TAF5L: variants seen among roughly 807,000 people sequenced by gnomAD.
TAF5L encodes the protein TATA-box binding protein associated factor 5 like.
In TAF5L, 7 loss-of-function variants were observed where a neutral mutation model predicts 51.3. The observed-to-expected ratio is 0.14, with a 90% confidence interval of 0.08 to 0.26. The LOEUF is 0.26. Ranked by LOEUF, TAF5L falls within the 10% of genes least tolerant of loss-of-function variation. The pLI is 1.00. For missense variants in TAF5L, 575 were observed against 758.9 expected (o/e 0.76, Z 2.85); for synonymous variants, 291 against 308.1 (o/e 0.94, Z 0.58).
At chr1:229,596,384 A>C (rs1664127078) in intron 4 of TAF5L, among the ~76,000 whole-genome samples, 1 of 152,232 alleles carries the variant, frequency 6.6e-6, no homozygotes, top group Non-Finnish European at 1.5e-5. Flanking sequence ...AGAAAGGTAC[A>C]GTTACTAGTA....
intron 4 of TAF5L, chr1:229,600,811 C>A: frequency 8.1e-6 from 8 of 985,382 alleles, no homozygotes; most frequent in Non-Finnish European, 9.6e-6. Flanking sequence ...TTATTTTGGT[C>A]TACTGTTATC....
At position 229,625,961 on chromosome 1, in the gene TAF5L, T is replaced by A. The variant is rs1384285043; in HGVS notation, c.-80A>T. The A allele has an allele frequency of 6.8e-4, 97 of 143,356 alleles. 1 individual carries two copies. In the East Asian group the frequency reaches 0.014, roughly 21 times the overall value. The allele number at this position is 143,356 out of a possible 1,614,324, so 8.9% of individuals were successfully genotyped here. On this transcript the variant is annotated 5_prime_UTR_variant, in exon 1 of 5. Coordinates refer to ENST00000258281, the Ensembl canonical transcript of TAF5L. The surrounding 1 kb of genome is among the most constrained non-coding windows in gnomAD (Gnocchi z 4.0). Reference sequence around the variant, plus strand: ...GGGTTGCTTCCGCCTCCGTCGTCTCTGCCGCAGGGTCTCACTCCGACGGCC... The same window carrying A: ...GGGTTGCTTCCGCCTCCGTCGTCTCAGCCGCAGGGTCTCACTCCGACGGCC...
At position 229,602,964 on chromosome 1, in the gene TAF5L, C is replaced by G; in HGVS notation, c.248-45G>C. On this transcript the variant is annotated intron_variant, in intron 3 of 4. Transcript: ENST00000258281. This position sits in a 1 kb window ranked among gnomAD's most constrained non-coding sequence, Gnocchi z 4.6. Reference sequence around the variant, plus strand: ...AGGCTTTATAATCAGCATAATCTTACAGAATAACGTGATCCCTCCTGGGGA... The same window carrying G: ...AGGCTTTATAATCAGCATAATCTTAGAGAATAACGTGATCCCTCCTGGGGA... The G allele has an allele frequency of 2.0e-6, 3 of 1,528,256 alleles. No homozygotes were observed. Among genetic ancestry groups the G allele is most frequent in the Non-Finnish European group, 2.6e-6 (3 of 1,149,356 alleles). The allele number at this position is 1,528,256 out of a possible 1,614,324, so 94.7% of individuals were successfully genotyped here.
intron 4 of TAF5L, 61 bp from the exon 5 acceptor site, chr1:229,595,155 C>G (rs1011857996): frequency 1.3e-6 from 2 of 1,491,292 alleles, no homozygotes; most frequent in African/African-American, 2.8e-5. Context: ...AGTGGTCTGA[C>G]AAGGAAAACA....
intron 4 of TAF5L, chr1:229,599,099 A>C (rs1664263637): frequency 4.9e-6 from 1 of 204,802 alleles, no homozygotes; most frequent in Non-Finnish European, 8.6e-6. Flanking sequence ...GCTCATACCA[A>C]GGTAAAAAGC....
rs202182944 is a variant in TAF5L, at chr1:229,602,677, C to G, written c.490G>C (p.Val164Leu). 6.2e-6 allele frequency: 10 copies of G among 1,614,130 alleles called. No homozygotes were observed. In the South Asian group the frequency reaches 1.1e-4, roughly 18 times the overall value. ...TAGCTGTCTTCTTGGAGACGGACCA[C>G]GTACTTGTTATCTAGGAATGCTCGA... The change falls in exon 4 of 5, where the codon GTG becomes CTG. Residue 164 changes from valine to leucine, a missense_variant. Physicochemically the swap from Val to Leu is conservative, Grantham distance 32 (BLOSUM62 1). Around this residue, in one of 3 missense-constraint regions of TAF5L, gnomAD observed 380 missense variants for 443.7 expected, o/e 0.86. Transcript: ENST00000258281. The surrounding 1 kb of genome is among the most constrained non-coding windows in gnomAD (Gnocchi z 4.6).
intron 1 of TAF5L, 84 bp from the exon 2 acceptor site, chr1:229,614,569 G>A: frequency 6.5e-7 from 1 of 1,533,458 alleles, no homozygotes; most frequent in Non-Finnish European, 8.8e-7. Context: ...CAGATGGGTA[G>A]GACACATGGG....
rs1484566847 is a variant in TAF5L at position 229,614,497 on chromosome 1, G to A, written c.-3-12C>T. 4 of 1,613,788 alleles carry A rather than the reference G, an allele frequency of 2.5e-6. No individual in the cohort carries two copies. The South Asian group carries it at 3.3e-5, about 13-fold the overall frequency. ...ACTCGTTTCATGACCTTCAAGGGAG[G>A]CAACGACAGGATACAGAGACATCAG... On this transcript the variant is annotated splice_polypyrimidine_tract_variant and intron_variant, in intron 1 of 4. Coordinates refer to ENST00000258281, the Ensembl canonical transcript of TAF5L.
intron 1 of TAF5L, among the ~76,000 whole-genome samples, chr1:229,617,810 T>C (rs1228350946): frequency 6.6e-6 from 1 of 152,200 alleles, no homozygotes; most frequent in Non-Finnish European, 1.5e-5. Context: ...ATACTGATTC[T>C]AACAAATATG....
intron 3 of TAF5L, chr1:229,606,555 G>A (rs1664602535): frequency 1.0e-6 from 1 of 985,214 alleles, no homozygotes. Flanking sequence ...CTTTCTTCAA[G>A]GTTTGGCTCT....
chr1:229,623,835 T>C (rs1409483060), intron 1 of TAF5L, among the ~76,000 whole-genome samples: 1 of 152,222 alleles, frequency 6.6e-6, no homozygotes, highest in African/African-American at 2.4e-5. Flanking sequence ...TCAGGACACC[T>C]GGCTGAAGGG....
chr1:229,614,187 G>A (rs1664888928), intron 2 of TAF5L, 154 bp downstream of exon 2: 1 of 1,229,136 alleles, frequency 8.1e-7, no homozygotes, highest in Non-Finnish European at 1.2e-6. Context: ...GGTCTCTGAG[G>A]CCAACATCAT....
intron 1 of TAF5L, among the ~76,000 whole-genome samples, chr1:229,618,103 G>T (rs1665071691): frequency 6.6e-6 from 1 of 152,056 alleles, no homozygotes; most frequent in African/African-American, 2.4e-5. Flanking sequence ...CTGATTTCCA[G>T]AGTACTAATA....
At chr1:229,618,430 A>G (rs1303144756) in intron 1 of TAF5L, among the ~76,000 whole-genome samples, 1 of 152,232 alleles carries the variant, frequency 6.6e-6, no homozygotes. Flanking sequence ...GACACAATGT[A>G]TATCTATTCT....
At chr1:229,600,388 A>G in intron 4 of TAF5L, 1 of 985,394 alleles carries the variant, frequency 1.0e-6, no homozygotes, top group Non-Finnish European at 1.2e-6. Context: ...ACCATGATGG[A>G]AAGCCAGAAA....
chr1:229,605,460 T>C (rs1032652512), intron 3 of TAF5L, among the ~76,000 whole-genome samples: 4 of 152,166 alleles, frequency 2.6e-5, no homozygotes, highest in Admixed American at 1.3e-4. Flanking sequence ...ATTCTCTTTA[T>C]TTGGAGATTA....
In TAF5L at chr1:229,625,891, T is replaced by C. The variant is rs1337221477; in HGVS notation, c.-10A>G. 1 of 125,120 alleles carries C rather than the reference T, an allele frequency of 8.0e-6. No homozygotes were observed. Among genetic ancestry groups the C allele is most frequent in the Non-Finnish European group, 1.6e-5 (1 of 60,658 alleles). 7.8% of individuals were successfully genotyped at this position (125,120 alleles called of 1,614,324 possible). On this transcript the variant is annotated 5_prime_UTR_variant, in exon 1 of 5. An upstream start codon of the reference 5' UTR is lost. Transcript: ENST00000258281. This position sits in a 1 kb window ranked among gnomAD's most constrained non-coding sequence, Gnocchi z 4.0. ...CCGTGCTCCCGGCACTCACTGAACATCCCAGGCGGCTCCGGCTCCCCCCGC... is the reference window on the plus strand; with the variant it reads ...CCGTGCTCCCGGCACTCACTGAACACCCCAGGCGGCTCCGGCTCCCCCCGC...
chr1:229,602,223 T>C lies in TAF5L; in HGVS notation c.944A>G (p.His315Arg), dbSNP rs146603261. Residue 315 changes from histidine (H) to arginine (R), a missense_variant, in exon 4 of 5, where the codon CAT becomes CGT. His to Arg is a conservative substitution (Grantham distance 29). Coordinates refer to ENST00000258281, the Ensembl canonical transcript of TAF5L. The surrounding 1 kb of genome is among the most constrained non-coding windows in gnomAD (Gnocchi z 4.6). ...CTCCTCCAGAATATCACAAGCCAAA[T>C]GGATGCGGGACACGTCTACTTGGTG... 87 of 1,613,792 alleles carry C rather than the reference T, an allele frequency of 5.4e-5. No homozygotes were observed. The highest frequency in any genetic ancestry group is 6.9e-5 in the Non-Finnish European group (81 of 1,179,846).
intron 3 of TAF5L, among the ~76,000 whole-genome samples, chr1:229,609,046 T>C (rs1664700449): frequency 6.6e-6 from 1 of 152,188 alleles, no homozygotes; most frequent in South Asian, 2.1e-4. Flanking sequence ...TTTGAGCCTG[T>C]CTCCTTCATT....
Sources: allele counts gnomAD v4.1 joint callset (sites outside exome capture counted in the v4.1 genomes callset), GRCh38; gene constraint gnomAD v4.1.1; regional missense constraint gnomAD v4.1.1; non-coding constraint Gnocchi (gnomAD v3.1); transcripts MANE v1.5; gene names NCBI Gene and HGNC (gene_info 2026-07-23, HGNC 2026-07-21).